Variants in OPTN observed in about 807,000 individuals in gnomAD.
OPTN encodes optineurin.
In OPTN, 54 loss-of-function variants were observed where a neutral mutation model predicts 70.4. The observed-to-expected ratio is 0.77, with a 90% CI of 0.62 to 0.96. The LOEUF (loss-of-function observed/expected upper bound fraction) is 0.96, where lower values mean the gene tolerates loss of function less well. Ranked by LOEUF, OPTN falls within the 40% of genes least tolerant of loss-of-function variation. The pLI, the probability that OPTN is intolerant of heterozygous loss-of-function variation, is 0.00. For missense variants in OPTN, 624 were observed against 673.2 expected (o/e 0.93, Z 0.81); for synonymous variants, 256 against 248.5 (o/e 1.03, Z -0.28).
Position 13,110,439 on chromosome 10 carries a change from T to C in OPTN, c.332T>C (p.Leu111Pro), listed in dbSNP as rs1832970549. Reference sequence around the variant, plus strand: ...GAGAATGAGAAATTGAAGGAAGAGCTTGGAAAACTAAAAGGGAAATCAGAA... The same window carrying C: ...GAGAATGAGAAATTGAAGGAAGAGCCTGGAAAACTAAAAGGGAAATCAGAA... ...SHENEKLKEELGKLKGKSERS... is the reference protein window; with the variant it reads ...SHENEKLKEEPGKLKGKSERS... The change falls in exon 4 of 15, where the codon CTT becomes CCT. Residue 111 changes from leucine to proline, a missense_variant. Transcript: ENST00000378747. 1 of 1,613,756 alleles carries C rather than the reference T, an allele frequency of 6.2e-7. No homozygotes were observed. The highest frequency in any genetic ancestry group is 1.3e-5 in the African/African-American group (1 of 74,858).
chr10:13,107,666 C>A (rs1832897676), intron 1 of OPTN, among the ~76,000 whole-genome samples: 1 of 152,054 alleles, frequency 6.6e-6, no homozygotes, highest in African/African-American at 2.4e-5. Context: ...GAGGCGTGAG[C>A]CACCGCGCCC....
chr10:13,135,849 C>G (rs1833687656), intron 14 of OPTN, among the ~76,000 whole-genome samples: 1 of 152,076 alleles, frequency 6.6e-6, no homozygotes, highest in African/African-American at 2.4e-5. Flanking sequence ...TTGTCCTGTA[C>G]CTAGAACTGA....
chr10:13,117,943 A>G (rs1014890870), intron 6 of OPTN, among the ~76,000 whole-genome samples: 1 of 152,200 alleles, frequency 6.6e-6, no homozygotes. Context: ...TTGGTTAACA[A>G]TTCTTCACGT....
In OPTN at chr10:13,133,524, AGTC is replaced by A; in HGVS notation, c.1559_1561del (p.Arg520del). On this transcript the variant is annotated inframe_deletion, in exon 14 of 15. Transcript: ENST00000378747. ...CAGGCAGTCCTTGATGGAGATGCAG[AGTC>A]GTCATGGGGCGAGAACAAGTGACTC... is the stretch of plus-strand genomic sequence containing the variant. 3.7e-6 allele frequency: 6 copies of A among 1,614,122 alleles called. No individual in the cohort carries two copies. The highest frequency in any genetic ancestry group is 5.1e-6 in the Non-Finnish European group (6 of 1,180,022).
In OPTN at chr10:13,121,500, TAAAAAAA is replaced by T. The variant is rs200687404; in HGVS notation, c.780-864_780-858del. Among the ~76,000 whole-genome samples the T allele has an allele frequency of 4.3e-3, 395 of 90,876 alleles. 3 individuals carry two copies. The highest frequency in any genetic ancestry group is 0.015 in the East Asian group (33 of 2,192). 59.6% of individuals were successfully genotyped at this position (90,876 alleles called of 152,430 possible). On this transcript the variant is annotated intron_variant, in intron 7 of 14. Transcript: ENST00000378747. ...TTCTTTTTCTTGCCTGATTATCCTG[TAAAAAAA>T]AAAAAAAAAAAAAAAAAAAAGTGTT... is the stretch of plus-strand genomic sequence containing the variant.
At chr10:13,117,113 T>C (rs1195716383) in intron 6 of OPTN, among the ~76,000 whole-genome samples, 2 of 149,230 alleles carry the variant, frequency 1.3e-5, no homozygotes, top group African/African-American at 4.9e-5. Flanking sequence ...CGGAATCTTG[T>C]TCTGTTGCCC....
intron 5 of OPTN, among the ~76,000 whole-genome samples, chr10:13,115,092 T>TATG (rs200980497): frequency 1.2e-5 from 1 of 80,300 alleles, no homozygotes; most frequent in African/African-American, 5.4e-5. Flanking sequence ...GATATATCTA[T>TATG]TTTATATATT....
At chr10:13,122,520 C>T (rs1318238473) in intron 8 of OPTN, 33 bp downstream of exon 8, 3 of 1,369,066 alleles carry the variant, frequency 2.2e-6, no homozygotes, top group Non-Finnish European at 3.1e-6. Flanking sequence ...CACTACCACA[C>T]CCACACACAC....
chr10:13,130,424 C>CAAAAA lies in OPTN; in HGVS notation c.1402-1618_1402-1614dup, dbSNP rs1178080754. ...TGGGCGACAGAGCGAGACTCTATCT[C>CAAAAA]AAAAAAAAAAAAAAAAAAAAAAAAA... On this transcript the variant is annotated intron_variant, in intron 12 of 14. Transcript: ENST00000378747. Among the ~76,000 whole-genome samples the CAAAAA allele has an allele frequency of 1.5e-4, 8 of 51,756 alleles. 1 individual carries two copies. Among genetic ancestry groups the CAAAAA allele is most frequent in the East Asian group, 1.5e-3 (2 of 1,358 alleles). The allele number at this position is 51,756 out of a possible 152,430, so 34.0% of individuals were successfully genotyped here.
At position 13,118,681 on chromosome 10, in the gene OPTN, C is replaced by G. The variant is rs377478490; in HGVS notation, c.627-207C>G. Among the ~76,000 whole-genome samples, 15 of 152,338 alleles carry G rather than the reference C, an allele frequency of 9.8e-5. 2 individuals are homozygous for G. Among genetic ancestry groups the G allele is most frequent in the Admixed American group, 3.9e-4 (6 of 15,310 alleles). On this transcript the variant is annotated intron_variant, in intron 6 of 14. Coordinates refer to ENST00000378747, the MANE Select transcript of OPTN (RefSeq NM_001008212.2). ...GTAAGCTGGCCTCTCCAGAGCCTCACTGAGTCTCCACACCTTCCCTAGGAA... is the reference window on the plus strand; with the variant it reads ...GTAAGCTGGCCTCTCCAGAGCCTCAGTGAGTCTCCACACCTTCCCTAGGAA...
At chr10:13,108,908 G>GCA (rs1491337867) in intron 2 of OPTN, 1 of 453,570 alleles carries the variant, frequency 2.2e-6, no homozygotes, top group East Asian at 3.9e-5. Context: ...ACACATGCGC[G>GCA]TGCACACACA....
intron 2 of OPTN, chr10:13,108,908 G>GCGCA (rs1491337867): frequency 1.1e-5 from 5 of 453,654 alleles, no homozygotes; most frequent in African/African-American, 2.2e-5. Flanking sequence ...ACACATGCGC[G>GCGCA]TGCACACACA....
At chr10:13,117,241 C>T (rs1164665677) in intron 6 of OPTN, among the ~76,000 whole-genome samples, 9 of 151,480 alleles carry the variant, frequency 5.9e-5, no homozygotes, top group Admixed American at 1.3e-4. Flanking sequence ...CCACCATGCC[C>T]GGCTAATTTT....
At position 13,136,797 on chromosome 10, in the gene OPTN, C is replaced by T. The variant is rs1373648961; in HGVS notation, c.1665C>T (p.Cys555=). ...RQQRNIPIHS[C]PKCGEVLPDI... ...AGCGGAATATTCCGATTCATTCCTG[C>T]CCCAAGTGTGGAGAGGTTCTGCCTG... Residue 555 remains cysteine (C), a synonymous_variant, in exon 15 of 15, where the codon TGC becomes TGT. Transcript: ENST00000378747. The T allele has an allele frequency of 6.2e-7, 1 of 1,614,132 alleles. No individual in the cohort carries two copies. Among genetic ancestry groups the T allele is most frequent in the Non-Finnish European group, 8.5e-7 (1 of 1,179,986 alleles).
chr10:13,114,487 G>A (rs1564358468), intron 5 of OPTN, among the ~76,000 whole-genome samples: 1 of 151,762 alleles, frequency 6.6e-6, no homozygotes, highest in Non-Finnish European at 1.5e-5. Context: ...CCTTCAGGGT[G>A]CATGGTTAGC....
At position 13,126,006 on chromosome 10, in the gene OPTN, A is replaced by G; in HGVS notation, c.1209A>G (p.Ala403=). 1 of 1,611,964 alleles carries G rather than the reference A, an allele frequency of 6.2e-7. No individual in the cohort carries two copies. The highest frequency in any genetic ancestry group is 8.5e-7 in the Non-Finnish European group (1 of 1,178,088). ...HNKLLQEHNN[A]LKTIEELTRK... is the part of the protein sequence containing the mutation. Reference sequence around the variant, plus strand: ...AGCTTCTTCAAGAACATAATAATGCATTGAAAACAATTGAGGAACTAACAA... The same window carrying G: ...AGCTTCTTCAAGAACATAATAATGCGTTGAAAACAATTGAGGAACTAACAA... The change falls in exon 11 of 15, where the codon GCA becomes GCG. Residue 403 remains alanine (A), a synonymous_variant. Transcript: ENST00000378747.
chr10:13,104,653 C>G (rs527764516), intron 1 of OPTN: 4 of 690,786 alleles, frequency 5.8e-6, no homozygotes, highest in Non-Finnish European at 1.1e-5. Context: ...GCCCACTAGT[C>G]GCCATCTCCA....
chr10:13,101,222 G>C (rs1311157903), intron 1 of OPTN, among the ~76,000 whole-genome samples: 1 of 152,220 alleles, frequency 6.6e-6, no homozygotes, highest in Non-Finnish European at 1.5e-5. Context: ...CCTGTAGACA[G>C]AGGACGATCA....
chr10:13,101,126 G>C (rs1346194894), intron 1 of OPTN, among the ~76,000 whole-genome samples: 2 of 152,192 alleles, frequency 1.3e-5, no homozygotes, highest in Non-Finnish European at 2.9e-5. Context: ...GACAGGCCCA[G>C]TTTTGGGGCG....
Sources: allele counts gnomAD v4.1 joint callset (sites outside exome capture counted in the v4.1 genomes callset), GRCh38; gene constraint gnomAD v4.1.1; transcripts MANE v1.5; gene names NCBI Gene and HGNC (gene_info 2026-07-23, HGNC 2026-07-21).